Variants in TP53BP1 observed in about 807,000 individuals in gnomAD.
TP53BP1 encodes the protein tumor protein p53 binding protein 1.
A neutral mutation model predicts 200.8 loss-of-function variants in TP53BP1; 61 were observed. The observed-to-expected ratio is 0.30, with a 90% confidence interval of 0.25 to 0.38. The LOEUF (loss-of-function observed/expected upper bound fraction) is 0.38. Ranked by LOEUF, TP53BP1 falls within the 10% of genes least tolerant of loss-of-function variation. The pLI is 1.00. For missense variants in TP53BP1, 2,144 were observed against 2,371.9 expected (o/e 0.90, Z 2.00); for synonymous variants, 822 against 844.3 (o/e 0.97, Z 0.46).
At chr15:43,446,350 G>C in intron 14 of TP53BP1, 37 bp downstream of exon 14, 1 of 1,483,388 alleles carries the variant, frequency 6.7e-7, no homozygotes, top group Non-Finnish European at 9.4e-7. Context: ...CAGATAATCT[G>C]CAGCTACTAA....
At chr15:43,455,057 C>T (rs1008825684) in intron 12 of TP53BP1, among the ~76,000 whole-genome samples, 3 of 152,170 alleles carry the variant, frequency 2.0e-5, no homozygotes, top group East Asian at 1.9e-4. Context: ...AAGTAATCTA[C>T]GTTTTCATGC....
At chr15:43,486,100 G>A (rs901579206) in intron 4 of TP53BP1, among the ~76,000 whole-genome samples, 4 of 151,748 alleles carry the variant, frequency 2.6e-5, no homozygotes, top group East Asian at 1.9e-4. Flanking sequence ...TGGGAGGGCC[G>A]CGGAGGTGCC....
chr15:43,457,671 CAAAAAAAAAAA>C (rs56866996), intron 11 of TP53BP1, among the ~76,000 whole-genome samples: 3 of 19,108 alleles, frequency 1.6e-4, no homozygotes, highest in Admixed American at 1.1e-3. Context: ...GACTCCATCT[CAAAAAAAAAAA>C]AAAAAAAAAA....
intron 4 of TP53BP1, among the ~76,000 whole-genome samples, chr15:43,481,672 G>C (rs1023984432): frequency 3.3e-5 from 5 of 151,478 alleles, no homozygotes; most frequent in Admixed American, 6.6e-5. Flanking sequence ...AAAATTAGCT[G>C]GGTGTGGTGG....
intron 17 of TP53BP1, among the ~76,000 whole-genome samples, chr15:43,429,641 T>C (rs780265535): frequency 2.6e-5 from 4 of 152,116 alleles, no homozygotes; most frequent in Non-Finnish European, 4.4e-5. Context: ...CTGGCAGAGG[T>C]GAAATATTTA....
In TP53BP1 at chr15:43,473,756, T is replaced by A. The variant is rs562057537; in HGVS notation, c.1180+917A>T. 1.6e-4 allele frequency among the ~76,000 whole-genome samples: 24 copies of A among 152,312 alleles called. No individual in the cohort carries two copies. The East Asian group carries it at 4.6e-3, about 29-fold the overall frequency. On this transcript the variant is annotated intron_variant, in intron 10 of 27. Transcript: ENST00000382044. Reference sequence around the variant, plus strand: ...ATTGGTGTATTTACAATCCCTGAGCTAGACATAAAGGTTCTCCACGTCCTC... The same window carrying A: ...ATTGGTGTATTTACAATCCCTGAGCAAGACATAAAGGTTCTCCACGTCCTC...
In TP53BP1 at chr15:43,446,553, A is replaced by G. The variant is rs760802508; in HGVS notation, c.2874T>C (p.Ser958=). ...CCACCATGCTTTCAGACATGACATCACTGGTTGCTATGGTGCTTTCTGGAT... is the reference window on the plus strand; with the variant it reads ...CCACCATGCTTTCAGACATGACATCGCTGGTTGCTATGGTGCTTTCTGGAT... ...SNYPESTIAT[S]DVMSESMVET... The change falls in exon 14 of 28, where the codon AGT becomes AGC. Residue 958 remains serine, a synonymous_variant. Coordinates refer to ENST00000382044, the MANE Select transcript of TP53BP1 (RefSeq NM_001141980.3). 6.2e-7 allele frequency: 1 copy of G among 1,614,128 alleles called. No individual in the cohort carries two copies. Among genetic ancestry groups the G allele is most frequent in the Admixed American group, 1.7e-5 (1 of 60,020 alleles).
chr15:43,405,598 A>T lies in TP53BP1; in HGVS notation c.*1785T>A, dbSNP rs2044842533. 1 of 197,310 alleles carries T rather than the reference A, an allele frequency of 5.1e-6. No individual in the cohort carries two copies. The highest frequency in any genetic ancestry group is 1.0e-5 in the Non-Finnish European group (1 of 97,056). The allele number at this position is 197,310 out of a possible 1,614,324, so 12.2% of individuals were successfully genotyped here. A position where few individuals can be genotyped will look rare whatever the true frequency, so the allele number is the denominator to read the frequency against. ...TAAATATTTTATGGTTCATATGTGA[A>T]AAAGTAATTATGTTTATAAATAGAC... On this transcript the variant is annotated 3_prime_UTR_variant, in exon 28 of 28. Transcript: ENST00000382044.
At chr15:43,447,943 TG>T (rs2046081310) in intron 12 of TP53BP1, among the ~76,000 whole-genome samples, 1 of 152,208 alleles carries the variant, frequency 6.6e-6, no homozygotes, top group African/African-American at 2.4e-5. Flanking sequence ...AAGCAAAGTT[TG>T]AAGTTAATAC....
chr15:43,462,043 C>G (rs1189970248), intron 11 of TP53BP1, among the ~76,000 whole-genome samples: 2 of 150,090 alleles, frequency 1.3e-5, no homozygotes, highest in Non-Finnish European at 1.5e-5. Context: ...TCAAAAAAAG[C>G]TAAGAGGGCC....
In TP53BP1 at chr15:43,441,568, T is replaced by C. The variant is rs45470395; in HGVS notation, c.3056A>G (p.Glu1019Gly). The change falls in exon 15 of 28, where the codon GAA becomes GGA. Residue 1019 changes from glutamate (E) to glycine (G), a missense_variant. Glu to Gly is a moderately conservative substitution (Grantham distance 98, BLOSUM62 -2). Around this residue, in one of 4 missense-constraint regions of TP53BP1, gnomAD observed 1,700 missense variants for 1,710.3 expected, o/e 0.99. Coordinates refer to ENST00000382044, the MANE Select transcript of TP53BP1 (RefSeq NM_001141980.3). ...AACAGCAGTAGATCCATTTTTTCTT[T>C]CACCAGTTGCAGGCTCTGAATAAAA... ...QFNLEKPATG[E>G]RKNGSTAVAE... The C allele has an allele frequency of 1.6e-3, 2,618 of 1,613,176 alleles. 3 individuals carry two copies. The highest frequency in any genetic ancestry group is 2.0e-3 in the Non-Finnish European group (2,346 of 1,179,252).
intron 11 of TP53BP1, among the ~76,000 whole-genome samples, chr15:43,459,561 T>G (rs1012455120): frequency 1.3e-5 from 2 of 151,988 alleles, no homozygotes; most frequent in Non-Finnish European, 2.9e-5. Context: ...GAATAAAATA[T>G]GAATATGTAT....
In TP53BP1 at chr15:43,404,279, A is replaced by C; in HGVS notation, c.*3104T>G. On this transcript the variant is annotated 3_prime_UTR_variant, in exon 28 of 28. Coordinates refer to ENST00000382044, the MANE Select transcript of TP53BP1 (RefSeq NM_001141980.3). Reference sequence around the variant, plus strand: ...CATTTTAGGAACTAATAGAAATAGGAATGTGGGAAGGCCAGGTGGTTCTGT... The same window carrying C: ...CATTTTAGGAACTAATAGAAATAGGCATGTGGGAAGGCCAGGTGGTTCTGT... 1 of 1,000,990 alleles carries C rather than the reference A, an allele frequency of 1.0e-6. No homozygotes were observed. Among genetic ancestry groups the C allele is most frequent in the Non-Finnish European group, 1.4e-6 (1 of 691,742 alleles). The allele number at this position is 1,000,990 out of a possible 1,614,324, so 62.0% of individuals were successfully genotyped here. A position where few individuals can be genotyped will look rare whatever the true frequency, so the allele number is the denominator to read the frequency against.
chr15:43,461,049 T>A (rs1446075950), intron 11 of TP53BP1, among the ~76,000 whole-genome samples: 2 of 151,910 alleles, frequency 1.3e-5, no homozygotes, highest in African/African-American at 4.8e-5. Context: ...AATGGCAATT[T>A]AGCAAAACAC....
At chr15:43,468,605 C>G (rs1022714917) in intron 11 of TP53BP1, among the ~76,000 whole-genome samples, 1 of 151,964 alleles carries the variant, frequency 6.6e-6, no homozygotes, top group Non-Finnish European at 1.5e-5. Flanking sequence ...CATTTCACCT[C>G]TAGGTAACCT....
chr15:43,461,107 G>T (rs1374237188), intron 11 of TP53BP1, among the ~76,000 whole-genome samples: 1 of 151,914 alleles, frequency 6.6e-6, no homozygotes, highest in Non-Finnish European at 1.5e-5. Flanking sequence ...TCCATTTCTG[G>T]GAAATTAATC....
intron 18 of TP53BP1, among the ~76,000 whole-genome samples, chr15:43,424,974 G>T (rs2045492021): frequency 6.6e-6 from 1 of 152,150 alleles, no homozygotes; most frequent in Non-Finnish European, 1.5e-5. Flanking sequence ...GTTATCACAG[G>T]AGTGGGTTAG....
chr15:43,482,142 T>A (rs1325099181), intron 4 of TP53BP1, among the ~76,000 whole-genome samples: 1 of 151,476 alleles, frequency 6.6e-6, no homozygotes, highest in Non-Finnish European at 1.5e-5. Flanking sequence ...GGCAGTAGAA[T>A]GGCGTGAACC....
intron 1 of TP53BP1, among the ~76,000 whole-genome samples, chr15:43,504,066 CTTGAGGCTAGGAG>C (rs757816322): frequency 4.6e-5 from 7 of 152,146 alleles, no homozygotes; most frequent in Non-Finnish European, 8.8e-5. Context: ...GGGAGGATTG[CTTGAGGCTAGGAG>C]TTCGAGACCA....
Sources: gnomAD v4.1 joint callset for allele counts (sites outside exome capture counted in the v4.1 genomes callset) on GRCh38, gnomAD v4.1.1 for gene constraint, gnomAD v4.1.1 regional missense constraint, MANE v1.5 for transcripts, NCBI Gene and HGNC (gene_info 2026-07-23, HGNC 2026-07-21) for gene names.